Variants in ADAMTSL1 observed in about 807,000 individuals in gnomAD.
ADAMTSL1 encodes the protein ADAMTS like 1.
A neutral mutation model predicts 201.8 loss-of-function variants in ADAMTSL1; 126 were observed. The observed-to-expected ratio is 0.62, with a 90% CI of 0.54 to 0.72. The LOEUF is 0.72. Among genes scored for constraint, ADAMTSL1 ranks in the 30% least tolerant of loss-of-function variants. ADAMTSL1 has a pLI of 0.00. For missense variants in ADAMTSL1, 2,679 were observed against 2,277.8 expected, an observed-to-expected ratio of 1.18 and a Z score of -3.59; for synonymous variants, 1,121 against 903.4, an observed-to-expected ratio of 1.24 and a Z score of -4.32.
In ADAMTSL1 at chr9:18,648,143, G is replaced by A. The variant is rs1360103352; in HGVS notation, c.834+8732G>A. Among the ~76,000 whole-genome samples the A allele has an allele frequency of 2.1e-5, 3 of 142,552 alleles. No homozygotes were observed. The East Asian group carries it at 6.3e-4, about 30-fold the overall frequency. The allele number at this position is 142,552 out of a possible 152,430, so 93.5% of individuals were successfully genotyped here. On this transcript the variant is annotated intron_variant, in intron 7 of 28. Coordinates refer to ENST00000380548, the MANE Select transcript of ADAMTSL1 (RefSeq NM_001040272.6). ...ATTGATCCCTTTACCATTATGTAATGGCCTTCTTTGTCTCTTTTGATCTTT... is the reference window on the plus strand; with the variant it reads ...ATTGATCCCTTTACCATTATGTAATAGCCTTCTTTGTCTCTTTTGATCTTT...
intron 1 of ADAMTSL1, among the ~76,000 whole-genome samples, chr9:17,957,714 A>C (rs1827984410): frequency 6.6e-6 from 1 of 152,150 alleles, no homozygotes; most frequent in Admixed American, 6.6e-5. Context: ...ATTAGAGCAG[A>C]CCCTAAATCT....
intron 1 of ADAMTSL1, among the ~76,000 whole-genome samples, chr9:17,939,444 C>T (rs974332134): frequency 3.9e-5 from 6 of 151,930 alleles, no homozygotes; most frequent in African/African-American, 1.5e-4. Flanking sequence ...GTCTAAAATA[C>T]TGACATTTTC....
chr9:18,058,377 C>A (rs1822290781), intron 1 of ADAMTSL1, among the ~76,000 whole-genome samples: 2 of 152,152 alleles, frequency 1.3e-5, no homozygotes, highest in African/African-American at 2.4e-5. Context: ...TCCTGGAAAT[C>A]TTTGTTTAAC....
chr9:18,677,237 T>A lies in ADAMTSL1; in HGVS notation c.1136+1330T>A, dbSNP rs919023417. On this transcript the variant is annotated intron_variant, in intron 10 of 28. Coordinates refer to ENST00000380548, the MANE Select transcript of ADAMTSL1 (RefSeq NM_001040272.6). ...TTAACTCTTTCACTACGTGGCTATG[T>A]CATTAGTCAGCTCACTCCTACTTTC... Among the ~76,000 whole-genome samples, 139 of 151,960 alleles carry A rather than the reference T, an allele frequency of 9.1e-4. 1 individual carries two copies. Among genetic ancestry groups the A allele is most frequent in the African/African-American group, 3.1e-3 (128 of 41,414 alleles).
At chr9:18,151,721 A>G (rs1252615711) in intron 1 of ADAMTSL1, among the ~76,000 whole-genome samples, 3 of 152,092 alleles carry the variant, frequency 2.0e-5, no homozygotes, top group East Asian at 3.9e-4. Context: ...CCAAATGGCC[A>G]CAAGACACAT....
upstream of ADAMTSL1, among the ~76,000 whole-genome samples, chr9:18,471,924 G>C (rs1419522240): frequency 6.6e-6 from 1 of 152,290 alleles, no homozygotes; most frequent in Middle Eastern, 3.4e-3. Context: ...CATGTAAGTG[G>C]TTCCCAGTTA....
intron 2 of ADAMTSL1, among the ~76,000 whole-genome samples, chr9:18,441,359 C>T (rs1457911405): frequency 2.0e-5 from 3 of 152,166 alleles, no homozygotes; most frequent in Admixed American, 2.0e-4. Flanking sequence ...TCCATTCATT[C>T]TTCTAATAGC....
At chr9:18,805,981 T>C (rs1823091083) in intron 20 of ADAMTSL1, among the ~76,000 whole-genome samples, 1 of 152,168 alleles carries the variant, frequency 6.6e-6, no homozygotes, top group African/African-American at 2.4e-5. Flanking sequence ...GCACACCTCC[T>C]AGCCTAAACT....
intron 23 of ADAMTSL1, among the ~76,000 whole-genome samples, chr9:18,873,411 T>C (rs1257401094): frequency 6.6e-6 from 1 of 152,220 alleles, no homozygotes; most frequent in Non-Finnish European, 1.5e-5. Context: ...TGTTACCTTC[T>C]AGAATTTTTT....
intron 20 of ADAMTSL1, among the ~76,000 whole-genome samples, chr9:18,814,081 C>A (rs1376525863): frequency 6.6e-6 from 1 of 152,140 alleles, no homozygotes; most frequent in East Asian, 1.9e-4. Flanking sequence ...GCCATTCTAA[C>A]TGGGGTGAGA....
At chr9:18,414,362 A>G (rs1164035671) in intron 2 of ADAMTSL1, among the ~76,000 whole-genome samples, 4 of 152,234 alleles carry the variant, frequency 2.6e-5, no homozygotes, top group South Asian at 2.1e-4. Context: ...ATATTCAGAT[A>G]TAATCTTTAT....
chr9:18,561,743 C>T (rs571820814), intron 3 of ADAMTSL1, among the ~76,000 whole-genome samples: 1 of 152,276 alleles, frequency 6.6e-6, no homozygotes, highest in African/African-American at 2.4e-5. Context: ...ATAGTTAGCT[C>T]TTCTTGTTGC....
At chr9:17,992,729 A>G (rs974063103) in intron 1 of ADAMTSL1, among the ~76,000 whole-genome samples, 5 of 152,170 alleles carry the variant, frequency 3.3e-5, no homozygotes, top group African/African-American at 1.2e-4. Context: ...CCCTAACTCT[A>G]AAAAACAGTA....
rs148948244 is a variant in ADAMTSL1, at chr9:18,513,101, A to G, written c.191+8145A>G. On this transcript the variant is annotated intron_variant, in intron 2 of 28. Transcript: ENST00000380548. ...GATCTTAGAGCTAATCTCCTCTCTA[A>G]TTCCCTCTTGGTTATTTCCCTTCCT... 1.4e-3 allele frequency among the ~76,000 whole-genome samples: 214 copies of G among 151,500 alleles called. 1 individual carries two copies. The highest frequency in any genetic ancestry group is 4.9e-3 in the African/African-American group (201 of 40,860).
At chr9:18,460,573 A>C (rs1016136460) in intron 2 of ADAMTSL1, among the ~76,000 whole-genome samples, 1 of 152,194 alleles carries the variant, frequency 6.6e-6, no homozygotes, top group Non-Finnish European at 1.5e-5. Flanking sequence ...TAGGGGGGAA[A>C]TGAAATCTGA....
At chr9:18,897,514 G>T (rs1233513878) in intron 26 of ADAMTSL1, among the ~76,000 whole-genome samples, 1 of 152,178 alleles carries the variant, frequency 6.6e-6, no homozygotes, top group Non-Finnish European at 1.5e-5. Context: ...TAGAGGAAGG[G>T]GCAGGCTGCC....
At chr9:18,074,036 C>T (rs1003392233) in intron 1 of ADAMTSL1, among the ~76,000 whole-genome samples, 2 of 151,902 alleles carry the variant, frequency 1.3e-5, no homozygotes, top group African/African-American at 2.4e-5. Flanking sequence ...CTTGTTTATT[C>T]AGTGAACGGT....
Position 18,777,409 on chromosome 9 carries a change from A to T in ADAMTSL1, c.3180A>T (p.Ala1060=), listed in dbSNP as rs1821109147. 1.9e-6 allele frequency: 3 copies of T among 1,602,362 alleles called. No homozygotes were observed. The highest frequency in any genetic ancestry group is 2.6e-6 in the Non-Finnish European group (3 of 1,175,110). ...CGACCTCGGAGGAGGACCCGGGTGC[A>T]GAGCAAGTGCTCCTGCACCTGCCCT... ...RNTTSEEDPG[A]EQVLLHLPFT... The change falls in exon 19 of 29, where the codon GCA becomes GCT. Residue 1060 remains alanine (A), a synonymous_variant. Coordinates refer to ENST00000380548, the MANE Select transcript of ADAMTSL1 (RefSeq NM_001040272.6).
chr9:18,433,628 G>T (rs1819594307), intron 2 of ADAMTSL1, among the ~76,000 whole-genome samples: 1 of 152,080 alleles, frequency 6.6e-6, no homozygotes, highest in Non-Finnish European at 1.5e-5. Flanking sequence ...GGCAAAATTT[G>T]AAAAGGAAAC....
Sources: allele counts gnomAD v4.1 joint callset (sites outside exome capture counted in the v4.1 genomes callset), GRCh38; gene constraint gnomAD v4.1.1; transcripts MANE v1.5; gene names NCBI Gene and HGNC (gene_info 2026-07-23, HGNC 2026-07-21).